CHORDC1: variants seen among roughly 807,000 people sequenced by gnomAD.
CHORDC1 encodes the protein cysteine and histidine-rich domain-containing protein 1.
Under a neutral mutation model 48.3 loss-of-function variants are expected in CHORDC1, and 25 were observed. The observed-to-expected ratio is 0.52, with a 90% CI of 0.38 to 0.72. CHORDC1 has a LOEUF of 0.72. Ranked by LOEUF, CHORDC1 falls within the 30% of genes least tolerant of loss-of-function variation. The pLI is 0.00. For missense variants in CHORDC1, 317 were observed against 388.7 expected, an observed-to-expected ratio of 0.82 and a Z score of 1.55; for synonymous variants, 128 against 126.4, an observed-to-expected ratio of 1.01 and a Z score of -0.09.
chr11:90,223,047 A>T lies in CHORDC1; in HGVS notation c.-93T>A. 1.8e-6 allele frequency: 2 copies of T among 1,111,388 alleles called. No homozygotes were observed. The highest frequency in any genetic ancestry group is 2.7e-6 in the Non-Finnish European group (2 of 753,206). The allele number at this position is 1,111,388 out of a possible 1,614,324, so 68.8% of individuals were successfully genotyped here. ...CCGTGTCGCTAGCACCGGTCTGACGACTGAGGCGGCTACCGGCTTCCGGAA... is the reference window on the plus strand; with the variant it reads ...CCGTGTCGCTAGCACCGGTCTGACGTCTGAGGCGGCTACCGGCTTCCGGAA... On this transcript the variant is annotated 5_prime_UTR_variant, in exon 1 of 11. Transcript: ENST00000320585.
At chr11:90,206,128 A>C in intron 7 of CHORDC1, 74 bp downstream of exon 7, 3 of 916,098 alleles carry the variant, frequency 3.3e-6, no homozygotes, top group Non-Finnish European at 5.4e-6. Context: ...CATGGCAAAC[A>C]ATGTTTAAAG....
Position 90,202,398 on chromosome 11 carries a change from C to T in CHORDC1, c.*7G>A. 1.9e-6 allele frequency: 3 copies of T among 1,610,994 alleles called. No homozygotes were observed. The highest frequency in any genetic ancestry group is 2.5e-6 in the Non-Finnish European group (3 of 1,179,172). On this transcript the variant is annotated 3_prime_UTR_variant, in exon 11 of 11. Transcript: ENST00000320585. ...AATAATGTAATAGCCTTCCTTCCAT[C>T]TCCCACTCAATCTGTTGTGGCATCT...
intron 6 of CHORDC1, chr11:90,206,849 T>C (rs180851468): frequency 1.2e-4 from 115 of 939,338 alleles, no homozygotes; most frequent in Non-Finnish European, 1.7e-4. Flanking sequence ...TAATAAAACA[T>C]GGATGTAGCC....
chr11:90,203,659 G>A (rs999852622), intron 8 of CHORDC1, among the ~76,000 whole-genome samples: 1 of 151,566 alleles, frequency 6.6e-6, no homozygotes, highest in African/African-American at 2.4e-5. Flanking sequence ...CCTTCCCTTT[G>A]TTTTTTTCTT....
intron 4 of CHORDC1, chr11:90,212,213 A>C (rs10830443): frequency 6.6e-6 from 1 of 152,016 alleles, no homozygotes; most frequent in African/African-American, 2.4e-5. Context: ...GGTGTGTGAC[A>C]GACCTAGTGG....
intron 5 of CHORDC1, 122 bp from the exon 6 acceptor site, chr11:90,210,716 T>G: frequency 1.5e-6 from 1 of 650,284 alleles, no homozygotes; most frequent in South Asian, 1.9e-5. Flanking sequence ...TGACTAGGAT[T>G]TGCTTATATC....
chr11:90,222,664 T>C, intron 1 of CHORDC1: 1 of 693,228 alleles, frequency 1.4e-6, no homozygotes, highest in Non-Finnish European at 2.6e-6. Flanking sequence ...CTCTCCGCAG[T>C]GGCAGAGGAC....
intron 2 of CHORDC1, among the ~76,000 whole-genome samples, chr11:90,217,243 C>T (rs1348884945): frequency 1.3e-5 from 2 of 152,150 alleles, no homozygotes; most frequent in African/African-American, 4.8e-5. Context: ...ATTTAAAGGG[C>T]ACCAACAATA....
chr11:90,221,547 A>T (rs565807103), intron 1 of CHORDC1, among the ~76,000 whole-genome samples: 1 of 152,352 alleles, frequency 6.6e-6, no homozygotes, highest in East Asian at 1.9e-4. Flanking sequence ...GCAAAGCGTC[A>T]GTCTTTCCCC....
chr11:90,221,927 A>G (rs764636007), intron 1 of CHORDC1, among the ~76,000 whole-genome samples: 9 of 152,216 alleles, frequency 5.9e-5, no homozygotes, highest in Non-Finnish European at 1.3e-4. Flanking sequence ...ACCTCATTGA[A>G]CTGAGCTTCT....
chr11:90,209,684 G>A (rs566483225), intron 6 of CHORDC1, among the ~76,000 whole-genome samples: 1 of 152,216 alleles, frequency 6.6e-6, no homozygotes, highest in Non-Finnish European at 1.5e-5. Flanking sequence ...CAAGAGGCAG[G>A]AAAATGGCTT....
chr11:90,210,016 C>A lies in CHORDC1; in HGVS notation c.492+520G>T, dbSNP rs191305603. 3.3e-3 allele frequency among the ~76,000 whole-genome samples: 508 copies of A among 152,274 alleles called. 3 individuals are homozygous for A. The highest frequency in any genetic ancestry group is 0.012 in the African/African-American group (483 of 41,574). ...ACAGACCTTGTTATTCCTTGAATAGCCAAGTTCTAAAGCCTCTGCTCATGT... is the reference window on the plus strand; with the variant it reads ...ACAGACCTTGTTATTCCTTGAATAGACAAGTTCTAAAGCCTCTGCTCATGT... On this transcript the variant is annotated intron_variant, in intron 6 of 10. Coordinates refer to ENST00000320585, the MANE Select transcript of CHORDC1 (RefSeq NM_012124.3).
intron 4 of CHORDC1, chr11:90,212,338 A>T (rs1163282022): frequency 6.6e-6 from 1 of 151,948 alleles, no homozygotes; most frequent in African/African-American, 2.4e-5. Flanking sequence ...ACATTCCTTT[A>T]TTACTCGCTC....
At chr11:90,209,489 T>C (rs1486729734) in intron 6 of CHORDC1, 1 of 152,156 alleles carries the variant, frequency 6.6e-6, no homozygotes, top group Non-Finnish European at 1.5e-5. Context: ...GTTCTAAGGA[T>C]TCAAGATACA....
In CHORDC1 at chr11:90,222,913, G is replaced by A. The variant is rs1858218816; in HGVS notation, c.42C>T (p.Phe14=). Residue 14 remains phenylalanine (F), a synonymous_variant, in exon 1 of 11, where the codon TTC becomes TTT. Coordinates refer to ENST00000320585, the MANE Select transcript of CHORDC1 (RefSeq NM_012124.3). ...TACCGTCGGAATTGGTCTCAGGATC[G>A]AAGCGCTGACCGCAGCCCCGGTTGT... ...LCYNRGCGQR[F]DPETNSDDAC... is the part of the protein sequence containing the mutation. The A allele has an allele frequency of 6.2e-7, 1 of 1,614,138 alleles. No individual in the cohort carries two copies. Among genetic ancestry groups the A allele is most frequent in the Admixed American group, 1.7e-5 (1 of 60,022 alleles).
chr11:90,210,823 A>T, intron 5 of CHORDC1: 2 of 475,252 alleles, frequency 4.2e-6, no homozygotes, highest in Non-Finnish European at 7.4e-6. Context: ...TGTTATATCC[A>T]GTATCTTAAC....
At chr11:90,222,797 G>A (rs776858082) in intron 1 of CHORDC1, 94 bp downstream of exon 1, 6 of 1,161,228 alleles carry the variant, frequency 5.2e-6, no homozygotes, top group Non-Finnish European at 6.4e-6. Flanking sequence ...GCGCGAGGAC[G>A]GCTGCAGGAG....
At chr11:90,222,727 G>C (rs764076266) in intron 1 of CHORDC1, 164 bp downstream of exon 1, 4 of 730,410 alleles carry the variant, frequency 5.5e-6, no homozygotes, top group Admixed American at 2.1e-5. Flanking sequence ...CAACAGAGGG[G>C]CGGCCGGCGG....
At position 90,205,651 on chromosome 11, in the gene CHORDC1, A is replaced by G. The variant is rs138449161; in HGVS notation, c.564-86T>C. On this transcript the variant is annotated intron_variant, in intron 7 of 10. Coordinates refer to ENST00000320585, the MANE Select transcript of CHORDC1 (RefSeq NM_012124.3). Reference sequence around the variant, plus strand: ...TATTTTAGGGATAAATCTGATTTTTAATAAGCCAGTAAGTGTACAAACTCT... The same window carrying G: ...TATTTTAGGGATAAATCTGATTTTTGATAAGCCAGTAAGTGTACAAACTCT... 321 of 822,790 alleles carry G rather than the reference A, an allele frequency of 3.9e-4. 1 individual carries two copies. In the African/African-American group the frequency reaches 4.9e-3, roughly 13 times the overall value. 51.0% of individuals were successfully genotyped at this position (822,790 alleles called of 1,614,324 possible).
Sources: gnomAD v4.1 joint callset for allele counts (sites outside exome capture counted in the v4.1 genomes callset) on GRCh38, gnomAD v4.1.1 for gene constraint, MANE v1.5 for transcripts, NCBI Gene and HGNC (gene_info 2026-07-23, HGNC 2026-07-21) for gene names.